The following ZFYVE9 variants were observed in gnomAD, a reference collection of about 807,000 sequenced individuals.
ZFYVE9 encodes zinc finger FYVE domain-containing protein 9.
ZFYVE9 carries 43 observed loss-of-function variants against 126.7 expected under a neutral mutation model. The ratio of observed to expected loss-of-function variants is 0.34; its 90% CI spans 0.27 to 0.44. The LOEUF (loss-of-function observed/expected upper bound fraction) is 0.44. ZFYVE9 is among the 20% of genes least tolerant of loss of function. ZFYVE9 has a pLI of 1.00. For missense variants in ZFYVE9, 1,476 were observed against 1,697.0 expected (o/e 0.87, Z 2.29); for synonymous variants, 521 against 597.4 (o/e 0.87, Z 1.87).
chr1:52,142,446 C>T lies in ZFYVE9; in HGVS notation c.-143+43C>T, dbSNP rs1644267454. ...TGGTCCGGGGCTCGCCGGCCTCCCG[C>T]CGCCTGTGGGGGCCCTGGCGGCAGA... On this transcript the variant is annotated intron_variant, in intron 1 of 18. Transcript: ENST00000287727. The surrounding 1 kb of genome is among the most constrained non-coding windows in gnomAD (Gnocchi z 4.5). 1 of 152,024 alleles carries T rather than the reference C, an allele frequency of 6.6e-6. No individual in the cohort carries two copies. Among genetic ancestry groups the T allele is most frequent in the Non-Finnish European group, 1.5e-5 (1 of 68,028 alleles). The allele number at this position is 152,024 out of a possible 1,614,324, so 9.4% of individuals were successfully genotyped here.
At chr1:52,171,083 G>A (rs1644563944) in intron 1 of ZFYVE9, among the ~76,000 whole-genome samples, 1 of 151,558 alleles carries the variant, frequency 6.6e-6, no homozygotes, top group African/African-American at 2.4e-5. Context: ...CATGTGCCAT[G>A]CTGGTGTGCT....
chr1:52,181,163 G>T (rs1191646241), intron 1 of ZFYVE9, among the ~76,000 whole-genome samples: 2 of 151,912 alleles, frequency 1.3e-5, no homozygotes, highest in East Asian at 3.9e-4. Flanking sequence ...CTGCCATCTC[G>T]GCTCACTGCA....
chr1:52,263,564 A>G (rs531401546), intron 4 of ZFYVE9, among the ~76,000 whole-genome samples: 13 of 152,204 alleles, frequency 8.5e-5, no homozygotes, highest in East Asian at 7.7e-4. Flanking sequence ...TTTTCAGCCA[A>G]TGTTTCCCAT....
chr1:52,340,822 A>G (rs1485972710), intron 17 of ZFYVE9, among the ~76,000 whole-genome samples: 3 of 147,674 alleles, frequency 2.0e-5, no homozygotes, highest in African/African-American at 7.6e-5. Flanking sequence ...AATCACTTGA[A>G]CCCGGGAGGC....
chr1:52,266,335 G>A (rs1005925444), intron 5 of ZFYVE9, among the ~76,000 whole-genome samples: 14 of 141,544 alleles, frequency 9.9e-5, no homozygotes, highest in African/African-American at 3.7e-4. Flanking sequence ...CTGACCTCGT[G>A]ATCCACCCGC....
At chr1:52,286,188 A>AT (rs1645857627) in intron 10 of ZFYVE9, among the ~76,000 whole-genome samples, 1 of 151,372 alleles carries the variant, frequency 6.6e-6, no homozygotes. Context: ...GCAATTTATT[A>AT]TTTTTCTCTT....
At chr1:52,336,374 T>G (rs911361132) in intron 15 of ZFYVE9, among the ~76,000 whole-genome samples, 12 of 138,772 alleles carry the variant, frequency 8.6e-5, no homozygotes, top group South Asian at 2.3e-4. Flanking sequence ...TTTTGTTTTT[T>G]TTTTTTTTTT....
At chr1:52,320,011 G>GAA (rs1646223565) in intron 13 of ZFYVE9, among the ~76,000 whole-genome samples, 1 of 51,320 alleles carries the variant, frequency 1.9e-5, no homozygotes, top group Non-Finnish European at 5.1e-5. Flanking sequence ...GGGAGATTCT[G>GAA]TCTCAAAAAA....
intron 1 of ZFYVE9, among the ~76,000 whole-genome samples, chr1:52,159,207 C>T (rs1162879946): frequency 2.0e-5 from 3 of 152,166 alleles, no homozygotes; most frequent in Non-Finnish European, 4.4e-5. Context: ...ACTTGGGCCA[C>T]CAGCTTGTGC....
In ZFYVE9 at chr1:52,266,775, C is replaced by G; in HGVS notation, c.2399C>G (p.Ser800Cys). ...GCTCAGGCCTCAGGAGCTCTGAGCT[C>G]TCCACCTCCCACTGTGATGGTACCT... ...QQAQASGALSSPPPTVMVPVG... is the reference protein window; with the variant it reads ...QQAQASGALSCPPPTVMVPVG... The change falls in exon 6 of 19, where the codon TCT becomes TGT. Residue 800 changes from serine to cysteine, a missense_variant. Around this residue, in one of 2 missense-constraint regions of ZFYVE9, gnomAD observed 669 missense variants for 902.4 expected, o/e 0.74. Transcript: ENST00000287727. The G allele has an allele frequency of 6.2e-7, 1 of 1,611,520 alleles. No homozygotes were observed. The highest frequency in any genetic ancestry group is 8.5e-7 in the Non-Finnish European group (1 of 1,178,870).
chr1:52,214,334 C>T (rs1231233728), intron 1 of ZFYVE9, among the ~76,000 whole-genome samples: 7 of 151,802 alleles, frequency 4.6e-5, no homozygotes, highest in East Asian at 1.9e-4. Flanking sequence ...GGCTGAGGCA[C>T]GAGAACTTCT....
intron 12 of ZFYVE9, among the ~76,000 whole-genome samples, chr1:52,296,688 A>G (rs1044991068): frequency 1.3e-5 from 2 of 152,032 alleles, no homozygotes; most frequent in African/African-American, 2.4e-5. Context: ...ACTTGCCCCA[A>G]ACAGGTTTGG....
intron 1 of ZFYVE9, among the ~76,000 whole-genome samples, chr1:52,169,104 A>G (rs1644540683): frequency 6.6e-6 from 1 of 152,078 alleles, no homozygotes; most frequent in African/African-American, 2.4e-5. Flanking sequence ...GCCTAATTTA[A>G]AATTGTAACC....
intron 1 of ZFYVE9, among the ~76,000 whole-genome samples, chr1:52,184,022 T>A (rs1264539180): frequency 6.6e-6 from 1 of 150,994 alleles, no homozygotes; most frequent in Non-Finnish European, 1.5e-5. Flanking sequence ...AAATAATTTT[T>A]AAAAGACACA....
intron 4 of ZFYVE9, among the ~76,000 whole-genome samples, chr1:52,260,328 A>T (rs528710418): frequency 6.6e-6 from 1 of 152,228 alleles, no homozygotes; most frequent in East Asian, 1.9e-4. Flanking sequence ...GTATTTACCA[A>T]TGTGAGTTCT....
In ZFYVE9 at chr1:52,332,752, A is replaced by G. The variant is rs868577034; in HGVS notation, c.3439-16A>G. On this transcript the variant is annotated splice_polypyrimidine_tract_variant and intron_variant, in intron 13 of 18. Coordinates refer to ENST00000287727, the MANE Select transcript of ZFYVE9 (RefSeq NM_004799.4). Reference sequence around the variant, plus strand: ...TGCCCATTCTTGTCAGAATAAGGTTATCTCTTTGATTGCAGATGATGAAAG... The same window carrying G: ...TGCCCATTCTTGTCAGAATAAGGTTGTCTCTTTGATTGCAGATGATGAAAG... The G allele has an allele frequency of 1.4e-5, 23 of 1,611,468 alleles. No homozygotes were observed. In the Middle Eastern group the frequency reaches 5.0e-4, roughly 35 times the overall value.
At chr1:52,212,489 G>T (rs1419094610) in intron 1 of ZFYVE9, among the ~76,000 whole-genome samples, 2 of 152,154 alleles carry the variant, frequency 1.3e-5, no homozygotes, top group Non-Finnish European at 2.9e-5. Flanking sequence ...GATTATGAAG[G>T]ATATATTTTA....
intron 1 of ZFYVE9, chr1:52,180,195 A>G: frequency 6.4e-7 from 1 of 1,568,130 alleles, no homozygotes; most frequent in Non-Finnish European, 8.8e-7. Flanking sequence ...GCACCTTTAC[A>G]AACAAGGAAT....
chr1:52,322,799 T>C (rs1646253824), intron 13 of ZFYVE9, among the ~76,000 whole-genome samples: 1 of 152,042 alleles, frequency 6.6e-6, no homozygotes, highest in Admixed American at 6.5e-5. Flanking sequence ...TCATTATCTC[T>C]GTGATCTCTT....
Sources: allele counts gnomAD v4.1 joint callset (sites outside exome capture counted in the v4.1 genomes callset), GRCh38; gene constraint gnomAD v4.1.1; regional missense constraint gnomAD v4.1.1; non-coding constraint Gnocchi (gnomAD v3.1); transcripts MANE v1.5; gene names NCBI Gene and HGNC (gene_info 2026-07-23, HGNC 2026-07-21).